NFYC: variants seen among roughly 807,000 people sequenced by gnomAD.
NFYC encodes nuclear transcription factor Y subunit gamma, also known as CAAT box DNA-binding protein subunit C.
Under a neutral mutation model 53.1 loss-of-function variants are expected in NFYC, and 25 were observed. That is an observed-to-expected ratio of 0.47 (90% CI 0.34 to 0.66). NFYC has a LOEUF of 0.66. Ranked by LOEUF, NFYC falls within the 30% of genes least tolerant of loss-of-function variation. The pLI is 0.01. For missense variants in NFYC, 260 were observed against 422.7 expected (o/e 0.62, Z 3.38); for synonymous variants, 145 against 152.6 (o/e 0.95, Z 0.37).
intron 1 of NFYC, among the ~76,000 whole-genome samples, chr1:40,714,682 A>G (rs1263139257): frequency 6.6e-6 from 1 of 151,900 alleles, no homozygotes; most frequent in Non-Finnish European, 1.5e-5. Context: ...TGGTGTAATC[A>G]TAGATCACTG....
chr1:40,710,936 CTG>C (rs796751283), intron 1 of NFYC, among the ~76,000 whole-genome samples: 12 of 152,262 alleles, frequency 7.9e-5, no homozygotes, highest in African/African-American at 2.9e-4. Context: ...TGAAAAGAGA[CTG>C]TACTTCTGAT....
At chr1:40,702,069 G>A (rs1363135931) in intron 1 of NFYC, among the ~76,000 whole-genome samples, 1 of 152,174 alleles carries the variant, frequency 6.6e-6, no homozygotes, top group African/African-American at 2.4e-5. Context: ...GGAAAGTTGT[G>A]TCATCTTTGG....
At chr1:40,721,998 G>A (rs927066276) in intron 1 of NFYC, among the ~76,000 whole-genome samples, 3 of 151,984 alleles carry the variant, frequency 2.0e-5, no homozygotes, top group Non-Finnish European at 4.4e-5. Context: ...GTGAAACCCT[G>A]TCTCTACTAA....
At chr1:40,750,415 T>C (rs982173553) in intron 4 of NFYC, among the ~76,000 whole-genome samples, 4 of 152,236 alleles carry the variant, frequency 2.6e-5, no homozygotes, top group African/African-American at 9.6e-5. Flanking sequence ...TATTCATTTA[T>C]TCTAAAAATA....
intron 1 of NFYC, among the ~76,000 whole-genome samples, chr1:40,725,050 A>G (rs1334205139): frequency 6.6e-6 from 1 of 152,202 alleles, no homozygotes; most frequent in Non-Finnish European, 1.5e-5. Context: ...ATAGTAGTGA[A>G]GACTATTCAG....
intron 1 of NFYC, among the ~76,000 whole-genome samples, chr1:40,714,988 G>A (rs753133681): frequency 8.5e-5 from 13 of 152,102 alleles, no homozygotes; most frequent in Non-Finnish European, 1.6e-4. Context: ...GCTGAGGCAG[G>A]AGAATGGCAT....
chr1:40,737,720 G>GA (rs1012005157), intron 1 of NFYC, among the ~76,000 whole-genome samples: 2 of 152,098 alleles, frequency 1.3e-5, no homozygotes, highest in African/African-American at 2.4e-5. Flanking sequence ...GGTTAGGAAA[G>GA]AACTGGGCGA....
intron 1 of NFYC, among the ~76,000 whole-genome samples, chr1:40,692,824 T>C (rs904032463): frequency 2.6e-5 from 4 of 152,122 alleles, no homozygotes; most frequent in African/African-American, 9.7e-5. Flanking sequence ...AAATCTGATA[T>C]AGGAAGCATT....
intron 1 of NFYC, among the ~76,000 whole-genome samples, chr1:40,712,983 CTGGGATTACAGGCAT>C (rs1308185879): frequency 6.6e-6 from 1 of 152,020 alleles, no homozygotes; most frequent in African/African-American, 2.4e-5. Flanking sequence ...ATTACAAGCA[CTGGGATTACAGGCAT>C]GAGCCATTGT....
intron 5 of NFYC, among the ~76,000 whole-genome samples, chr1:40,754,724 G>A (rs2885328): frequency 0.88 from 133,378 of 152,080 alleles, 58,605 homozygotes; most frequent in East Asian, 0.98. Context: ...CTTGTTTTCT[G>A]TGGGCTGCCT....
intron 2 of NFYC, among the ~76,000 whole-genome samples, chr1:40,744,019 A>T (rs752040868): frequency 6.6e-6 from 1 of 152,116 alleles, no homozygotes; most frequent in Non-Finnish European, 1.5e-5. Context: ...GGGGTCCCCA[A>T]CCCCTGGGCC....
At chr1:40,696,105 C>T (rs775043091) in intron 1 of NFYC, among the ~76,000 whole-genome samples, 28 of 149,818 alleles carry the variant, frequency 1.9e-4, no homozygotes, top group Non-Finnish European at 3.0e-4. Flanking sequence ...CTCACTGCAA[C>T]CTCTGCCTCC....
Position 40,771,113 on chromosome 1 carries a change from A to G in NFYC, c.*285A>G. ...AATTAAAATATTAAATAACATATTT[A>G]TGGCATTTTCTTGAAGAGTGTGGTT... On this transcript the variant is annotated 3_prime_UTR_variant, in exon 10 of 10. Transcript: ENST00000447388. 1 of 473,038 alleles carries G rather than the reference A, an allele frequency of 2.1e-6. No homozygotes were observed. The allele number at this position is 473,038 out of a possible 1,614,324, so 29.3% of individuals were successfully genotyped here.
intron 4 of NFYC, among the ~76,000 whole-genome samples, chr1:40,751,914 G>T (rs1645934275): frequency 6.6e-6 from 1 of 152,076 alleles, no homozygotes; most frequent in South Asian, 2.1e-4. Flanking sequence ...AGTTGGGAGG[G>T]TTTATCGTCA....
intron 1 of NFYC, among the ~76,000 whole-genome samples, chr1:40,730,126 TCAGCCTTC>T (rs2148537953): frequency 6.6e-6 from 1 of 151,736 alleles, no homozygotes; most frequent in African/African-American, 2.4e-5. Flanking sequence ...TCCTCCCACC[TCAGCCTTC>T]TGAGTAGCTA....
intron 2 of NFYC, among the ~76,000 whole-genome samples, chr1:40,746,638 C>T (rs1645620726): frequency 6.6e-6 from 1 of 152,166 alleles, no homozygotes; most frequent in South Asian, 2.1e-4. Context: ...CTAATATCTG[C>T]CTTTGCACCT....
chr1:40,760,867 C>T (rs532641656), intron 6 of NFYC, among the ~76,000 whole-genome samples: 1 of 152,342 alleles, frequency 6.6e-6, no homozygotes, highest in African/African-American at 2.4e-5. Context: ...GTCACTGGCT[C>T]AAGGCCTCGA....
At chr1:40,707,029 A>G (rs609254) in intron 1 of NFYC, among the ~76,000 whole-genome samples, 119,219 of 151,880 alleles carry the variant, frequency 0.78, 47,423 homozygotes, top group African/African-American at 0.9. Context: ...AATTAGTCGG[A>G]TGTGGTGGTG....
chr1:40,761,380 A>G (rs772491211), intron 6 of NFYC, among the ~76,000 whole-genome samples: 1 of 152,176 alleles, frequency 6.6e-6, no homozygotes, highest in African/African-American at 2.4e-5. Context: ...ACCCGTAGTG[A>G]TGGCTATTTC....
Sources: allele counts gnomAD v4.1 joint callset (sites outside exome capture counted in the v4.1 genomes callset), GRCh38; gene constraint gnomAD v4.1.1; transcripts MANE v1.5; gene names NCBI Gene and HGNC (gene_info 2026-07-23, HGNC 2026-07-21).